The following DLG2 variants were observed in gnomAD, a reference collection of about 807,000 sequenced individuals.
DLG2 encodes the protein disks large homolog 2.
DLG2 carries 45 observed loss-of-function variants against 132.5 expected under a neutral mutation model. That is an observed-to-expected ratio of 0.34 (90% CI 0.27 to 0.44). The LOEUF is 0.44. DLG2 is among the 20% of genes least tolerant of loss of function. DLG2 has a pLI of 1.00. For synonymous variants in DLG2, 424 were observed against 419.6 expected (o/e 1.01, Z -0.13); for missense variants, 1,045 against 1,196.9 (o/e 0.87, Z 1.87).
chr11:85,346,670 C>T (rs529430595), intron 3 of DLG2, among the ~76,000 whole-genome samples: 1 of 152,260 alleles, frequency 6.6e-6, no homozygotes, highest in Non-Finnish European at 1.5e-5. Context: ...GTCTAACTTT[C>T]TGAGAATGCA....
intron 7 of DLG2, among the ~76,000 whole-genome samples, chr11:84,357,853 CAT>C (rs1280732777): frequency 6.6e-6 from 1 of 151,544 alleles, no homozygotes; most frequent in Non-Finnish European, 1.5e-5. Flanking sequence ...TTAAATGAAA[CAT>C]GTAGTAGGTA....
At chr11:84,191,199 T>C (rs1426569490) in intron 8 of DLG2, among the ~76,000 whole-genome samples, 1 of 152,212 alleles carries the variant, frequency 6.6e-6, no homozygotes, top group Non-Finnish European at 1.5e-5. Flanking sequence ...TTCAGGTAAC[T>C]GAGTTTTGAT....
chr11:85,317,555 T>A (rs768783480), intron 3 of DLG2, among the ~76,000 whole-genome samples: 28 of 151,924 alleles, frequency 1.8e-4, no homozygotes, highest in Non-Finnish European at 3.1e-4. Flanking sequence ...AGCACTAAAA[T>A]AGTGGTATGT....
At chr11:83,516,315 A>C (rs955304918) in intron 21 of DLG2, among the ~76,000 whole-genome samples, 5 of 152,014 alleles carry the variant, frequency 3.3e-5, no homozygotes, top group African/African-American at 1.2e-4. Context: ...TTGTTGGTTT[A>C]ATGTCTGTTT....
intron 25 of DLG2, among the ~76,000 whole-genome samples, chr11:83,468,544 T>C (rs1347902991): frequency 8.5e-5 from 13 of 152,152 alleles, no homozygotes; most frequent in African/African-American, 3.1e-4. Context: ...TAGCGGTACA[T>C]TGAGAAAGGT....
intron 6 of DLG2, among the ~76,000 whole-genome samples, chr11:84,604,415 G>A (rs1343752133): frequency 6.6e-6 from 1 of 151,836 alleles, no homozygotes; most frequent in East Asian, 1.9e-4. Flanking sequence ...AGAGATGTTA[G>A]CAGAAATTAA....
intron 7 of DLG2, among the ~76,000 whole-genome samples, chr11:84,413,467 A>T (rs1046289613): frequency 6.6e-6 from 1 of 152,218 alleles, no homozygotes; most frequent in African/African-American, 2.4e-5. Context: ...AAATACAGAG[A>T]CAACACTTTT....
chr11:84,761,147 T>C (rs2067576349), intron 6 of DLG2, among the ~76,000 whole-genome samples: 1 of 152,106 alleles, frequency 6.6e-6, no homozygotes, highest in Non-Finnish European at 1.5e-5. Context: ...AACACTGGGG[T>C]TGCAGGTATC....
At chr11:83,989,019 C>T (rs539091126) in intron 11 of DLG2, among the ~76,000 whole-genome samples, 28 of 152,068 alleles carry the variant, frequency 1.8e-4, no homozygotes, top group African/African-American at 6.0e-4. Flanking sequence ...TACATACTTG[C>T]CTCATAAATA....
intron 6 of DLG2, among the ~76,000 whole-genome samples, chr11:84,535,251 T>C (rs986850183): frequency 2.8e-4 from 42 of 152,214 alleles, no homozygotes; most frequent in Non-Finnish European, 4.4e-5. Flanking sequence ...TGTATTAGAC[T>C]CAAAGAGAAG....
rs545520982 is a variant in DLG2 at position 84,898,917 on chromosome 11, T to C, written c.357+212744A>G. Among the ~76,000 whole-genome samples the C allele has an allele frequency of 2.0e-5, 3 of 152,178 alleles. 1 individual carries two copies. The highest frequency in any genetic ancestry group is 2.1e-4 in the South Asian group (1 of 4,830). On this transcript the variant is annotated intron_variant, in intron 6 of 27. Transcript: ENST00000376104. The stretch of plus-strand genomic sequence containing the variant: ...TATTATTACACTTTATAACAATTAT[T>C]CATTCATATGCCTACCTCTATGTAC...
chr11:83,963,869 T>C (rs1003362096), intron 13 of DLG2, among the ~76,000 whole-genome samples: 6 of 152,016 alleles, frequency 3.9e-5, no homozygotes, highest in Non-Finnish European at 5.9e-5. Context: ...AATCTCATTC[T>C]GAAGATGCAA....
intron 6 of DLG2, among the ~76,000 whole-genome samples, chr11:84,681,296 G>A (rs2099729277): frequency 6.6e-6 from 1 of 152,120 alleles, no homozygotes; most frequent in Non-Finnish European, 1.5e-5. Context: ...GCCCATCTCT[G>A]TGCTAAGTGA....
intron 3 of DLG2, among the ~76,000 whole-genome samples, chr11:85,554,286 G>C (rs2076819674): frequency 6.6e-6 from 1 of 151,588 alleles, no homozygotes; most frequent in Non-Finnish European, 1.5e-5. Context: ...AAAAATATTA[G>C]AGAAAATAAT....
chr11:84,368,881 C>T (rs2098694756), intron 7 of DLG2, among the ~76,000 whole-genome samples: 1 of 152,062 alleles, frequency 6.6e-6, no homozygotes, highest in Non-Finnish European at 1.5e-5. Context: ...TGTATATAGT[C>T]TAGAACTAGT....
At chr11:85,052,871 G>A (rs76241611) in intron 6 of DLG2, among the ~76,000 whole-genome samples, 2 of 152,104 alleles carry the variant, frequency 1.3e-5, no homozygotes, top group Non-Finnish European at 2.9e-5. Context: ...CCTCCTCATT[G>A]TATAGTTCTG....
intron 8 of DLG2, among the ~76,000 whole-genome samples, chr11:84,233,607 C>G (rs1030322844): frequency 2.0e-5 from 3 of 152,098 alleles, no homozygotes; most frequent in Admixed American, 2.0e-4. Context: ...TAGGGTGGGG[C>G]CTACAAAAAA....
At chr11:85,213,839 T>C (rs2082403322) in intron 4 of DLG2, among the ~76,000 whole-genome samples, 2 of 152,120 alleles carry the variant, frequency 1.3e-5, no homozygotes, top group Non-Finnish European at 2.9e-5. Flanking sequence ...TGTATTGGTT[T>C]ACAATGCACT....
chr11:85,137,099 G>T (rs1476596000), intron 5 of DLG2, among the ~76,000 whole-genome samples: 2 of 152,062 alleles, frequency 1.3e-5, no homozygotes, highest in Non-Finnish European at 2.9e-5. Flanking sequence ...AATCCAGTCT[G>T]ATGTAAGAAG....
Sources: gnomAD v4.1 joint callset for allele counts (sites outside exome capture counted in the v4.1 genomes callset) on GRCh38, gnomAD v4.1.1 for gene constraint, MANE v1.5 for transcripts, NCBI Gene and HGNC (gene_info 2026-07-23, HGNC 2026-07-21) for gene names.